TECPR2: variants seen among roughly 807,000 people sequenced by gnomAD.
TECPR2 encodes the protein tectonin beta-propeller repeat containing 2.
A neutral mutation model predicts 138.1 loss-of-function variants in TECPR2; 65 were observed. That is an observed-to-expected ratio of 0.47 (90% CI 0.39 to 0.58). The LOEUF is 0.58. TECPR2 is among the 20% of genes least tolerant of loss of function. The pLI, the probability that TECPR2 is intolerant of heterozygous loss-of-function variation, is 0.00. For missense variants in TECPR2, 1,553 were observed against 1,824.5 expected (o/e 0.85, Z 2.71); for synonymous variants, 746 against 749.8 (o/e 0.99, Z 0.08).
Position 102,449,783 on chromosome 14 carries a change from A to C in TECPR2, c.3230A>C (p.Gln1077Pro). Residue 1077 changes from glutamine (Q) to proline (P), a missense_variant, in exon 14 of 20, where the codon CAG (glutamine) becomes CCG (proline). Coordinates refer to ENST00000359520, the MANE Select transcript of TECPR2 (RefSeq NM_014844.5). ...TTTTGGTCCCAGCAGCTTCAGTGCC[A>C]GCCAAGCCTTCTCGGGGTCAATAAC... is the stretch of plus-strand genomic sequence containing the variant. Reference protein sequence around the residue: ...MAFWSQQLQCQPSLLGVNNSG... With the variant: ...MAFWSQQLQCPPSLLGVNNSG... The C allele has an allele frequency of 6.2e-7, 1 of 1,614,144 alleles. No individual in the cohort carries two copies. Among genetic ancestry groups the C allele is most frequent in the Non-Finnish European group, 8.5e-7 (1 of 1,180,010 alleles).
At chr14:102,463,250 C>T (rs1309462047) in intron 16 of TECPR2, among the ~76,000 whole-genome samples, 3 of 151,822 alleles carry the variant, frequency 2.0e-5, no homozygotes, top group Non-Finnish European at 2.9e-5. Flanking sequence ...AACCCTGTCT[C>T]TACTAAAAAT....
intron 2 of TECPR2, among the ~76,000 whole-genome samples, chr14:102,390,803 A>AATATAT (rs10570260): frequency 3.0e-4 from 45 of 148,822 alleles, no homozygotes; most frequent in African/African-American, 8.6e-4. Flanking sequence ...TCAGGGGAAG[A>AATATAT]ATATATATAT....
chr14:102,448,041 G>A (rs1235083316), intron 13 of TECPR2, among the ~76,000 whole-genome samples: 1 of 152,026 alleles, frequency 6.6e-6, no homozygotes, highest in Non-Finnish European at 1.5e-5. Context: ...TTATATACTA[G>A]GTAATATTTG....
chr14:102,465,143 G>A lies in TECPR2; in HGVS notation c.3643G>A (p.Ala1215Thr), dbSNP rs114136452. Residue 1215 changes from alanine to threonine, a missense_variant and splice_region_variant, in exon 17 of 20, where the codon GCT (alanine) becomes ACT (threonine). By Grantham distance (58) the Ala-to-Thr change is moderately conservative (BLOSUM62 0). Coordinates refer to ENST00000359520, the MANE Select transcript of TECPR2 (RefSeq NM_014844.5). ...TGTGTACTTTTCTTTATCTACAGGA[G>A]CTGTAAAATTGACAAGCTTGGCATG... ...WTRLDLSQLG[A>T]VKLTSLACGN... 9.4e-5 allele frequency: 152 copies of A among 1,614,172 alleles called. No homozygotes were observed. The African/African-American group carries it at 1.7e-3, about 18-fold the overall frequency.
At chr14:102,448,113 C>T (rs944097110) in intron 13 of TECPR2, among the ~76,000 whole-genome samples, 1 of 151,860 alleles carries the variant, frequency 6.6e-6, no homozygotes, top group African/African-American at 2.4e-5. Context: ...TATACATATA[C>T]ATGTAAAAAT....
intron 4 of TECPR2, 87 bp from the exon 5 acceptor site, chr14:102,414,549 T>C: frequency 3.3e-6 from 5 of 1,524,660 alleles, no homozygotes; most frequent in Non-Finnish European, 4.4e-6. Context: ...TAAGCACAGC[T>C]AGCGGGAAGG....
chr14:102,467,203 C>T (rs1890563648), intron 17 of TECPR2, among the ~76,000 whole-genome samples: 1 of 152,022 alleles, frequency 6.6e-6, no homozygotes, highest in African/African-American at 2.4e-5. Context: ...AATTGCAGGT[C>T]ATGTGGCGAT....
chr14:102,460,482 C>CA (rs923374627), intron 16 of TECPR2, among the ~76,000 whole-genome samples: 25 of 151,014 alleles, frequency 1.7e-4, no homozygotes, highest in African/African-American at 5.6e-4. Flanking sequence ...GGTGTGGTGG[C>CA]ACATGTCTGT....
rs566071012 is a variant in TECPR2 at position 102,481,566 on chromosome 14, C to T, written c.3790-15413C>T. On this transcript the variant is annotated intron_variant, in intron 17 of 19. Transcript: ENST00000359520. ...ATCACTGGAGACCAGGATCATCCAC[C>T]GCACTCCAGCCTGGGCAACAGAGTG... 9.9e-5 allele frequency among the ~76,000 whole-genome samples: 15 copies of T among 152,264 alleles called. No homozygotes were observed. In the East Asian group the frequency reaches 2.3e-3, roughly 24 times the overall value.
At chr14:102,479,645 C>T (rs1441395480) in intron 17 of TECPR2, among the ~76,000 whole-genome samples, 1 of 152,162 alleles carries the variant, frequency 6.6e-6, no homozygotes, top group South Asian at 2.1e-4. Flanking sequence ...GACATGGGGA[C>T]TCTGACATGG....
At chr14:102,433,940 T>G (rs750959490) in intron 8 of TECPR2, among the ~76,000 whole-genome samples, 1 of 152,202 alleles carries the variant, frequency 6.6e-6, no homozygotes, top group Non-Finnish European at 1.5e-5. Flanking sequence ...GAAATGTTAT[T>G]AGATTTCTAA....
rs1372241347 is a variant in TECPR2 at position 102,415,794 on chromosome 14, G to A, written c.638+1001G>A. On this transcript the variant is annotated intron_variant, in intron 5 of 19. Transcript: ENST00000359520. The surrounding 1 kb of genome is among the most constrained non-coding windows in gnomAD (Gnocchi z 4.3). ...TTGCCTGCATAGAATCAGGGGCAGG[G>A]CAGCTGATGGTCACGGCATGTGGGG... Among the ~76,000 whole-genome samples, 3 of 152,210 alleles carry A rather than the reference G, an allele frequency of 2.0e-5. No individual in the cohort carries two copies. Among genetic ancestry groups the A allele is most frequent in the Admixed American group, 6.5e-5 (1 of 15,290 alleles).
intron 19 of TECPR2, 63 bp downstream of exon 19, chr14:102,497,782 G>A (rs1489392440): frequency 1.6e-5 from 24 of 1,490,992 alleles, no homozygotes; most frequent in Non-Finnish European, 2.0e-5. Context: ...TGTGGACGAT[G>A]TCGGGGGGCT....
intron 2 of TECPR2, among the ~76,000 whole-genome samples, chr14:102,390,545 A>G (rs1201133310): frequency 6.6e-6 from 1 of 152,168 alleles, no homozygotes; most frequent in African/African-American, 2.4e-5. Flanking sequence ...TGGCAGAAGG[A>G]AGAAAGTGGA....
intron 5 of TECPR2, among the ~76,000 whole-genome samples, chr14:102,421,517 G>T (rs1416165777): frequency 6.6e-6 from 1 of 152,190 alleles, no homozygotes; most frequent in Non-Finnish European, 1.5e-5. Context: ...CTATCTGTTT[G>T]CCTATGTGGG....
At chr14:102,491,250 C>T (rs971575901) in intron 17 of TECPR2, among the ~76,000 whole-genome samples, 3 of 152,144 alleles carry the variant, frequency 2.0e-5, no homozygotes, top group African/African-American at 7.2e-5. Context: ...GGGTCTTGCT[C>T]TGTTGCCCAA....
At chr14:102,399,079 A>G (rs1314258272) in intron 2 of TECPR2, among the ~76,000 whole-genome samples, 1 of 152,146 alleles carries the variant, frequency 6.6e-6, no homozygotes, top group East Asian at 1.9e-4. Context: ...CCTGGCCAAC[A>G]TGGCGAAACT....
intron 9 of TECPR2, chr14:102,437,061 G>A (rs1190544): frequency 0.34 from 330,441 of 985,124 alleles, 56,971 homozygotes; most frequent in Non-Finnish European, 0.35. Context: ...TTTATGGTGT[G>A]TTTTTATTTG....
Position 102,450,640 on chromosome 14 carries a change from A to G in TECPR2, c.3397A>G (p.Thr1133Ala), listed in dbSNP as rs753960260. 7.4e-6 allele frequency: 12 copies of G among 1,613,980 alleles called. No individual in the cohort carries two copies. The South Asian group carries it at 1.2e-4, about 16-fold the overall frequency. The change falls in exon 15 of 20, where the codon ACG (threonine) becomes GCG (alanine). Residue 1133 changes from threonine to alanine, a missense_variant. Coordinates refer to ENST00000359520, the MANE Select transcript of TECPR2 (RefSeq NM_014844.5). ...CTTTGTGTTGGCTTCTGCAGCTCCC[A>G]CGAAGGAAGGTGGGTCAGTCTTAGC... ...WAFVLASAAP[T>A]KEGSFLWLCQ...
Sources: allele counts gnomAD v4.1 joint callset (sites outside exome capture counted in the v4.1 genomes callset), GRCh38; gene constraint gnomAD v4.1.1; non-coding constraint Gnocchi (gnomAD v3.1); transcripts MANE v1.5; gene names NCBI Gene and HGNC (gene_info 2026-07-23, HGNC 2026-07-21).